Variants in TMPRSS15 observed in about 807,000 individuals in gnomAD.
The protein encoded by TMPRSS15 is enteropeptidase.
Under a neutral mutation model 125.3 loss-of-function variants are expected in TMPRSS15, and 128 were observed. The ratio of observed to expected loss-of-function variants is 1.02; its 90% CI spans 0.89 to 1.18. TMPRSS15 has a LOEUF of 1.18. Among genes scored for constraint, TMPRSS15 ranks in the 50% most tolerant of loss-of-function variants. TMPRSS15 has a pLI of 0.00. For synonymous variants in TMPRSS15, 446 were observed against 423.2 expected (o/e 1.05, Z -0.66); for missense variants, 1,283 against 1,212.7 (o/e 1.06, Z -0.86).
intron 17 of TMPRSS15, 115 bp from the exon 18 acceptor site, chr21:18,313,192 G>C: frequency 2.6e-6 from 2 of 780,614 alleles, no homozygotes; most frequent in Non-Finnish European, 4.5e-6. Flanking sequence ...AAGTTCATGA[G>C]ATCTCTTGCA....
At chr21:18,323,135 C>T (rs2075255958) in intron 16 of TMPRSS15, among the ~76,000 whole-genome samples, 1 of 152,256 alleles carries the variant, frequency 6.6e-6, no homozygotes, top group South Asian at 2.1e-4. Context: ...TCATTTTCAA[C>T]TTAAAATAGG....
At chr21:18,474,886 C>CA in intron 1 of TMPRSS15, among the ~76,000 whole-genome samples, 1 of 152,140 alleles carries the variant, frequency 6.6e-6, no homozygotes, top group East Asian at 1.9e-4. Context: ...GACACAGGTA[C>CA]AAGAGCTCAA....
chr21:18,460,379 A>C (rs1487609438), intron 1 of TMPRSS15, among the ~76,000 whole-genome samples: 10 of 151,974 alleles, frequency 6.6e-5, no homozygotes, highest in Admixed American at 3.3e-4. Flanking sequence ...GGAACACAAG[A>C]CTTTTCTTTC....
intron 1 of TMPRSS15, among the ~76,000 whole-genome samples, chr21:18,465,156 A>AAACC (rs1370436152): frequency 6.6e-6 from 1 of 152,218 alleles, no homozygotes; most frequent in Non-Finnish European, 1.5e-5. Flanking sequence ...CCAATGACAA[A>AAACC]AACCACATGA....
At chr21:18,385,470 G>A (rs1337651437) in intron 3 of TMPRSS15, among the ~76,000 whole-genome samples, 1 of 152,010 alleles carries the variant, frequency 6.6e-6, no homozygotes. Flanking sequence ...GAATCTGAAG[G>A]GAAGACTAAT....
chr21:18,374,223 C>G (rs2075818624), intron 5 of TMPRSS15, among the ~76,000 whole-genome samples: 1 of 151,948 alleles, frequency 6.6e-6, no homozygotes, highest in South Asian at 2.1e-4. Context: ...CCTGTAATCC[C>G]AGCACTTTGG....
At chr21:18,359,647 TAAG>T in intron 8 of TMPRSS15, 107 bp downstream of exon 8, 3 of 566,114 alleles carry the variant, frequency 5.3e-6, no homozygotes, top group Non-Finnish European at 6.4e-6. Context: ...TTTAGTTTTA[TAAG>T]TTTCAAGTCC....
intron 1 of TMPRSS15, among the ~76,000 whole-genome samples, chr21:18,429,308 T>C (rs553544029): frequency 3.1e-4 from 47 of 152,172 alleles, no homozygotes; most frequent in Non-Finnish European, 6.0e-4. Flanking sequence ...TTTGAGTTAA[T>C]GCTGTAATGA....
At chr21:18,430,037 A>C (rs981298877) in intron 1 of TMPRSS15, among the ~76,000 whole-genome samples, 2 of 152,192 alleles carry the variant, frequency 1.3e-5, no homozygotes, top group Non-Finnish European at 2.9e-5. Context: ...TCTTCCCATT[A>C]TATTTACTAT....
At position 18,299,399 on chromosome 21, in the gene TMPRSS15, T is replaced by A. The variant is rs111737430; in HGVS notation, c.2166-1570A>T. Among the ~76,000 whole-genome samples the A allele has an allele frequency of 6.4e-3, 982 of 152,288 alleles. 12 individuals are homozygous for A. The highest frequency in any genetic ancestry group is 0.023 in the African/African-American group (938 of 41,560). On this transcript the variant is annotated intron_variant, in intron 18 of 24. Transcript: ENST00000284885. ...ACACAGATGTTAGAGGACCTTGAAT[T>A]TCACCATTCTTGCAGGTTTTGGTAG...
At chr21:18,459,489 G>GTC (rs1385199768) in intron 1 of TMPRSS15, among the ~76,000 whole-genome samples, 15 of 152,168 alleles carry the variant, frequency 9.9e-5, no homozygotes, top group African/African-American at 3.4e-4. Context: ...GGCCAGGCTA[G>GTC]TCTCGAACTC....
intron 9 of TMPRSS15, 123 bp downstream of exon 9, chr21:18,353,600 G>T: frequency 1.3e-6 from 1 of 786,472 alleles, no homozygotes; most frequent in Non-Finnish European, 2.0e-6. Flanking sequence ...AGAGAAAGAT[G>T]CACATACAAG....
At chr21:18,464,726 T>A (rs1392326575) in intron 1 of TMPRSS15, among the ~76,000 whole-genome samples, 1 of 152,158 alleles carries the variant, frequency 6.6e-6, no homozygotes, top group Non-Finnish European at 1.5e-5. Context: ...GTCAAATCCC[T>A]GAATAGACCA....
chr21:18,327,898 A>C (rs1426525808), intron 15 of TMPRSS15, among the ~76,000 whole-genome samples: 3 of 152,014 alleles, frequency 2.0e-5, no homozygotes, highest in African/African-American at 7.3e-5. Context: ...CTAAAAATAC[A>C]AAAAATTAGC....
chr21:18,351,489 C>T (rs1432858360), intron 10 of TMPRSS15, among the ~76,000 whole-genome samples: 1 of 152,048 alleles, frequency 6.6e-6, no homozygotes, highest in Non-Finnish European at 1.5e-5. Flanking sequence ...TTTTCAATGC[C>T]GTTCTCATAA....
At chr21:18,338,981 A>C (rs781582536) in intron 13 of TMPRSS15, among the ~76,000 whole-genome samples, 8 of 151,836 alleles carry the variant, frequency 5.3e-5, no homozygotes, top group Non-Finnish European at 7.4e-5. Flanking sequence ...CGCTTCCTTA[A>C]AGCCTTCTTC....
chr21:18,330,324 T>A (rs993215842), intron 14 of TMPRSS15, among the ~76,000 whole-genome samples: 29 of 152,248 alleles, frequency 1.9e-4, no homozygotes, highest in African/African-American at 7.0e-4. Flanking sequence ...CATCGATCTC[T>A]GATCTAAAAT....
chr21:18,313,574 T>C (rs938323482), intron 17 of TMPRSS15, among the ~76,000 whole-genome samples: 6 of 151,844 alleles, frequency 4.0e-5, no homozygotes, highest in Admixed American at 1.3e-4. Flanking sequence ...TTGACCTAAA[T>C]TGATAGGAGT....
At chr21:18,438,437 T>C (rs1004074418) in intron 1 of TMPRSS15, among the ~76,000 whole-genome samples, 20 of 152,052 alleles carry the variant, frequency 1.3e-4, no homozygotes, top group African/African-American at 4.8e-4. Context: ...GTAACTAACC[T>C]GCACGTTGTG....
Sources: allele counts gnomAD v4.1 joint callset (sites outside exome capture counted in the v4.1 genomes callset), GRCh38; gene constraint gnomAD v4.1.1; transcripts MANE v1.5; gene names NCBI Gene and HGNC (gene_info 2026-07-23, HGNC 2026-07-21).